PIK3AP1: variants seen among roughly 807,000 people sequenced by gnomAD.
PIK3AP1 encodes phosphoinositide 3-kinase adapter protein 1.
In PIK3AP1, 21 loss-of-function variants were observed where a neutral mutation model predicts 88.1. The observed-to-expected ratio is 0.24, with a 90% CI of 0.17 to 0.34. The LOEUF is 0.34. Among genes scored for constraint, PIK3AP1 ranks in the 10% least tolerant of loss-of-function variants. The pLI is 1.00. For synonymous variants in PIK3AP1, 398 were observed against 400.0 expected (o/e 1.00, Z 0.06); for missense variants, 828 against 1,035.7 (o/e 0.80, Z 2.75).
chr10:96,654,755 T>A (rs1213760738), intron 3 of PIK3AP1, among the ~76,000 whole-genome samples: 2 of 152,116 alleles, frequency 1.3e-5, no homozygotes, highest in Admixed American at 1.3e-4. Context: ...AAGGAGATAA[T>A]GCTTTGGTGG....
rs956767377 is a variant in PIK3AP1 at position 96,697,643 on chromosome 10, C to T, written c.430+11924G>A. ...ATTCAAGAGGCTGAGATGAGAGGAT[C>T]GCTTGAGCCTGGAAGGTTGAGGCTT... On this transcript the variant is annotated intron_variant, in intron 2 of 16. Coordinates refer to ENST00000339364, the MANE Select transcript of PIK3AP1 (RefSeq NM_152309.3). 7.2e-5 allele frequency among the ~76,000 whole-genome samples: 11 copies of T among 152,134 alleles called. No homozygotes were observed. In the South Asian group the frequency reaches 8.3e-4, roughly 11 times the overall value.
At chr10:96,597,481 G>A (rs893666165) in intron 16 of PIK3AP1, among the ~76,000 whole-genome samples, 4 of 151,882 alleles carry the variant, frequency 2.6e-5, no homozygotes, top group African/African-American at 9.7e-5. Flanking sequence ...CCCTCAAGAT[G>A]ATGCAAGTGT....
In PIK3AP1 at chr10:96,651,800, G is replaced by C. The variant is rs951877542; in HGVS notation, c.713-149C>G. On this transcript the variant is annotated intron_variant, in intron 4 of 16. Coordinates refer to ENST00000339364, the MANE Select transcript of PIK3AP1 (RefSeq NM_152309.3). ...CTTGGAGGTGAGCTGGGGCGGGAGT[G>C]AGGGAAAGGGTGGAGGTAGCAGGTG... 6.6e-6 allele frequency: 6 copies of C among 907,502 alleles called. No individual in the cohort carries two copies. The African/African-American group carries it at 1.0e-4, about 15-fold the overall frequency. The allele number at this position is 907,502 out of a possible 1,614,324, so 56.2% of individuals were successfully genotyped here. A position where few individuals can be genotyped will look rare whatever the true frequency, so the allele number is the denominator to read the frequency against.
chr10:96,606,141 C>A (rs1465387222), intron 14 of PIK3AP1, among the ~76,000 whole-genome samples: 2 of 152,026 alleles, frequency 1.3e-5, no homozygotes, highest in Non-Finnish European at 2.9e-5. Context: ...ACTCGTTACC[C>A]ATACACAACA....
intron 2 of PIK3AP1, among the ~76,000 whole-genome samples, chr10:96,706,693 C>T (rs960044286): frequency 5.9e-5 from 9 of 152,236 alleles, no homozygotes; most frequent in East Asian, 3.9e-4. Context: ...GCAGCAGAGC[C>T]GGGTAATGCA....
At chr10:96,635,353 T>C (rs1843298711) in intron 8 of PIK3AP1, among the ~76,000 whole-genome samples, 1 of 152,208 alleles carries the variant, frequency 6.6e-6, no homozygotes, top group Non-Finnish European at 1.5e-5. Flanking sequence ...TGTTCTGATA[T>C]AGACATTATT....
intron 3 of PIK3AP1, among the ~76,000 whole-genome samples, chr10:96,655,296 G>A (rs1474623205): frequency 6.6e-6 from 1 of 152,168 alleles, no homozygotes; most frequent in Admixed American, 6.5e-5. Context: ...TTGAGGCCAG[G>A]AGTTTGAGGC....
At chr10:96,714,464 AC>A (rs1352169248) in intron 1 of PIK3AP1, among the ~76,000 whole-genome samples, 1 of 152,208 alleles carries the variant, frequency 6.6e-6, no homozygotes, top group Non-Finnish European at 1.5e-5. Flanking sequence ...TCTAAGTTGC[AC>A]CCAATTTAAA....
chr10:96,626,161 CA>C (rs1843151429), intron 10 of PIK3AP1, among the ~76,000 whole-genome samples: 1 of 152,144 alleles, frequency 6.6e-6, no homozygotes, highest in African/African-American at 2.4e-5. Context: ...ATTAAGAAGT[CA>C]AAACCTTAAT....
At chr10:96,653,466 G>A (rs1247677666) in intron 3 of PIK3AP1, among the ~76,000 whole-genome samples, 4 of 138,808 alleles carry the variant, frequency 2.9e-5, no homozygotes, top group Admixed American at 2.2e-4. Flanking sequence ...CCTTAAGGCC[G>A]ATACTTTATA....
chr10:96,624,304 C>T (rs550982320), intron 10 of PIK3AP1, among the ~76,000 whole-genome samples: 2 of 152,288 alleles, frequency 1.3e-5, no homozygotes, highest in South Asian at 2.1e-4. Flanking sequence ...TTATTCATAT[C>T]TAAACTTTGA....
intron 9 of PIK3AP1, among the ~76,000 whole-genome samples, chr10:96,628,151 C>T (rs1300672168): frequency 6.6e-6 from 1 of 152,136 alleles, no homozygotes; most frequent in African/African-American, 2.4e-5. Context: ...TTAAAAAAAA[C>T]TAGAGGCAAC....
At chr10:96,671,065 C>T (rs1370250769) in intron 2 of PIK3AP1, among the ~76,000 whole-genome samples, 1 of 152,218 alleles carries the variant, frequency 6.6e-6, no homozygotes, top group East Asian at 1.9e-4. Context: ...AAACATGTCT[C>T]TTGTTTACAC....
chr10:96,718,149 G>A (rs1253982949), intron 1 of PIK3AP1, among the ~76,000 whole-genome samples: 1 of 152,138 alleles, frequency 6.6e-6, no homozygotes, highest in Non-Finnish European at 1.5e-5. Flanking sequence ...GAGAGGAGAG[G>A]AGAATAAAAG....
In PIK3AP1 at chr10:96,709,824, A is replaced by G. The variant is rs1844415600; in HGVS notation, c.173T>C (p.Leu58Pro). ...GPEASFSAED[L>P]SLFLSTRCVV... ...ACAGCGGGTGCTGAGGAAAAGGCTT[A>G]GGTCCTCTGCCGAGAAGGAGGCCTC... The change falls in exon 2 of 17, where the codon CTA becomes CCA. Residue 58 changes from leucine (L) to proline (P), a missense_variant. Physicochemically the swap from Leu to Pro is moderately conservative, Grantham distance 98. Transcript: ENST00000339364. 7.4e-6 allele frequency: 12 copies of G among 1,613,990 alleles called. No homozygotes were observed. The highest frequency in any genetic ancestry group is 1.0e-5 in the Non-Finnish European group (12 of 1,179,936).
intron 2 of PIK3AP1, among the ~76,000 whole-genome samples, chr10:96,695,324 A>G (rs1171412956): frequency 2.0e-5 from 3 of 152,222 alleles, no homozygotes; most frequent in Non-Finnish European, 4.4e-5. Flanking sequence ...TAGTGCTAAT[A>G]TTATTCTATC....
chr10:96,634,271 G>T (rs1357615545), intron 8 of PIK3AP1, among the ~76,000 whole-genome samples: 2 of 152,210 alleles, frequency 1.3e-5, no homozygotes, highest in Non-Finnish European at 2.9e-5. Flanking sequence ...AGAGGGGGTG[G>T]TCTCCAGACA....
chr10:96,612,982 ATTTTTTTTTTTT>A (rs3979626), intron 13 of PIK3AP1, among the ~76,000 whole-genome samples: 2 of 34,796 alleles, frequency 5.7e-5, no homozygotes, highest in Non-Finnish European at 1.0e-4. Flanking sequence ...ATATATATAT[ATTTTTTTTTTTT>A]TTTTTTTTTT....
At chr10:96,643,761 A>G (rs1843422413) in intron 8 of PIK3AP1, among the ~76,000 whole-genome samples, 1 of 152,150 alleles carries the variant, frequency 6.6e-6, no homozygotes, top group Non-Finnish European at 1.5e-5. Flanking sequence ...CTGCTCTTCC[A>G]TGAGTTCATG....
Sources: gnomAD v4.1 joint callset for allele counts (sites outside exome capture counted in the v4.1 genomes callset) on GRCh38, gnomAD v4.1.1 for gene constraint, MANE v1.5 for transcripts, NCBI Gene and HGNC (gene_info 2026-07-23, HGNC 2026-07-21) for gene names.